The following PARS2 variants were observed in gnomAD, a reference collection of about 807,000 sequenced individuals.
PARS2 encodes prolyl-tRNA synthetase 2, mitochondrial.
In PARS2, 20 loss-of-function variants were observed where a neutral mutation model predicts 27.4. The observed-to-expected ratio is 0.73, with a 90% CI of 0.51 to 1.06. The LOEUF is 1.06. PARS2 is among the 50% of genes least tolerant of loss of function. The pLI is 0.00. For synonymous variants in PARS2, 240 were observed against 247.1 expected, an observed-to-expected ratio of 0.97 and a Z score of 0.27; for missense variants, 585 against 602.1, an observed-to-expected ratio of 0.97 and a Z score of 0.30.
In PARS2 at chr1:54,757,920, G is replaced by C; in HGVS notation, c.1242C>G (p.Thr414=). 1.2e-6 allele frequency: 2 copies of C among 1,614,134 alleles called. No homozygotes were observed. The highest frequency in any genetic ancestry group is 4.5e-5 in the East Asian group (2 of 44,880). The change falls in exon 2 of 2, where the codon ACC becomes ACG. Residue 414 remains threonine (T), a synonymous_variant. Transcript: ENST00000371279. The stretch of plus-strand genomic sequence containing the variant: ...TCAGTCTGTTTCCGATGGTCAGATG[G>C]GTCCTGTCGTCCAGGAGCACCTCCC... ...LHGEVLLDDR[T]HLTIGNRLKD...
Position 54,758,295 on chromosome 1 carries a change from T to C in PARS2, c.867A>G (p.Gln289=), listed in dbSNP as rs1646133512. ...GGCCCTGGCAAGCAGGGCAGTTCATTTGTGACAAGTCTAGTGTCTCCATGT... is the reference window on the plus strand; with the variant it reads ...GGCCCTGGCAAGCAGGGCAGTTCATCTGTGACAAGTCTAGTGTCTCCATGT... ...SANMETLDLS[Q]MNCPACQGPL... The change falls in exon 2 of 2, where the codon CAA becomes CAG. Residue 289 remains glutamine (Q), a synonymous_variant. Transcript: ENST00000371279. 3.1e-6 allele frequency: 5 copies of C among 1,614,198 alleles called. No individual in the cohort carries two copies. The highest frequency in any genetic ancestry group is 3.4e-6 in the Non-Finnish European group (4 of 1,180,044).
chr1:54,760,315 C>G (rs548601277), intron 1 of PARS2, among the ~76,000 whole-genome samples: 1 of 152,212 alleles, frequency 6.6e-6, no homozygotes, highest in South Asian at 2.1e-4. Flanking sequence ...ACCTACTCCC[C>G]CTCCAGCACT....
At chr1:54,763,271 T>C (rs1032417598) in intron 1 of PARS2, among the ~76,000 whole-genome samples, 7 of 152,180 alleles carry the variant, frequency 4.6e-5, no homozygotes, top group Admixed American at 3.3e-4. Flanking sequence ...AAAATATTTT[T>C]GAGGAACTAT....
In PARS2 at chr1:54,758,870, TGG is replaced by T; in HGVS notation, c.290_291del (p.Ala97AspfsTer48). 6.2e-7 allele frequency: 1 copy of T among 1,614,190 alleles called. No individual in the cohort carries two copies. Among genetic ancestry groups the T allele is most frequent in the South Asian group, 1.1e-5 (1 of 91,080 alleles). Reference protein sequence around the residue: ...CYHLLPYTVRAMEKLVRVIDQ... With the variant: ...CYHLLPYTVRXMEKLVRVIDQ... Reference sequence around the variant, plus strand: ...TCTATCACTCGCACGAGCTTCTCCATGGCACGGACGGTATATGGCAGGAGGTG... The same window carrying T: ...TCTATCACTCGCACGAGCTTCTCCATCACGGACGGTATATGGCAGGAGGTG... On this transcript the variant is annotated frameshift_variant, in exon 2 of 2. Coordinates refer to ENST00000371279, the MANE Select transcript of PARS2 (RefSeq NM_152268.4). LOFTEE classifies it high-confidence loss of function.
intron 1 of PARS2, among the ~76,000 whole-genome samples, chr1:54,763,348 C>T (rs951268369): frequency 1.3e-5 from 2 of 151,910 alleles, no homozygotes; most frequent in Non-Finnish European, 2.9e-5. Context: ...GGGGTGTGTA[C>T]GGGGGCCAGG....
In PARS2 at chr1:54,758,671, G is replaced by A; in HGVS notation, c.491C>T (p.Ala164Val). The A allele has an allele frequency of 6.2e-7, 1 of 1,614,236 alleles. No homozygotes were observed. Among genetic ancestry groups the A allele is most frequent in the Non-Finnish European group, 8.5e-7 (1 of 1,180,026 alleles). Reference sequence around the variant, plus strand: ...CAGTTTCTTCTGGGAGGCAATTAAGGCCGTAATGGCTTCCTCGTGAGTTGG... The same window carrying A: ...CAGTTTCTTCTGGGAGGCAATTAAGACCGTAATGGCTTCCTCGTGAGTTGG... ...LGPTHEEAIT[A>V]LIASQKKLSY... Residue 164 changes from alanine to valine, a missense_variant, in exon 2 of 2, where the codon GCC becomes GTC. Ala to Val is a moderately conservative substitution (Grantham distance 64). Transcript: ENST00000371279.
rs981864183 is a variant in PARS2, at chr1:54,757,518, G to C, written c.*216C>G. On this transcript the variant is annotated 3_prime_UTR_variant, in exon 2 of 2. Transcript: ENST00000371279. Reference sequence around the variant, plus strand: ...GAATACAAAAGGAAAGGTATATGGCGGCATGGCCAGTCTGGAGAAAGGGAT... The same window carrying C: ...GAATACAAAAGGAAAGGTATATGGCCGCATGGCCAGTCTGGAGAAAGGGAT... The C allele has an allele frequency of 1.6e-5, 8 of 514,304 alleles. No individual in the cohort carries two copies. Among genetic ancestry groups the C allele is most frequent in the African/African-American group, 1.2e-4 (6 of 51,972 alleles). The allele number at this position is 514,304 out of a possible 1,614,324, so 31.9% of individuals were successfully genotyped here.
rs775195000 is a variant in PARS2, at chr1:54,758,197, T to C, written c.965A>G (p.Asn322Ser). 1.2e-5 allele frequency: 20 copies of C among 1,614,080 alleles called. No homozygotes were observed. The highest frequency in any genetic ancestry group is 2.2e-5 in the South Asian group (2 of 91,088). The change falls in exon 2 of 2, where the codon AAT (asparagine) becomes AGT (serine). Residue 322 changes from asparagine (N) to serine (S), a missense_variant. By Grantham distance (46) the Asn-to-Ser change is conservative. Coordinates refer to ENST00000371279, the MANE Select transcript of PARS2 (RefSeq NM_152268.4). The part of the protein sequence containing the change: ...YLGTKYSSIF[N>S]AQFTNVCGKP... ...GCCACAGACATTGGTAAACTGGGCA[T>C]TGAAAATGGATGAGTACTTGGTACC...
At chr1:54,760,558 C>T (rs892000671) in intron 1 of PARS2, among the ~76,000 whole-genome samples, 5 of 152,202 alleles carry the variant, frequency 3.3e-5, no homozygotes, top group African/African-American at 1.2e-4. Context: ...GGTCTCCTGA[C>T]TTCCACTCCT....
intron 1 of PARS2, among the ~76,000 whole-genome samples, chr1:54,759,809 C>T (rs1156840403): frequency 6.6e-6 from 1 of 152,082 alleles, no homozygotes; most frequent in Non-Finnish European, 1.5e-5. Context: ...AGTTTGAGAC[C>T]AGCCTGACCA....
intron 1 of PARS2, among the ~76,000 whole-genome samples, chr1:54,762,128 G>A (rs1431714207): frequency 1.3e-5 from 2 of 149,514 alleles, no homozygotes; most frequent in African/African-American, 4.9e-5. Flanking sequence ...AGAATCGCTG[G>A]AGGGCTTGTT....
intron 1 of PARS2, among the ~76,000 whole-genome samples, chr1:54,762,804 T>C (rs1000386459): frequency 2.0e-5 from 3 of 152,210 alleles, no homozygotes; most frequent in African/African-American, 4.8e-5. Context: ...CCTCATGCGA[T>C]CCACCTGCCT....
At chr1:54,760,784 CTTTTTTT>C (rs377045963) in intron 1 of PARS2, among the ~76,000 whole-genome samples, 2 of 147,134 alleles carry the variant, frequency 1.4e-5, no homozygotes, top group African/African-American at 5.0e-5. Context: ...CACGCCCACT[CTTTTTTT>C]TTTTTGAGAC....
Position 54,759,044 on chromosome 1 carries a change from G to A in PARS2, c.118C>T (p.Leu40=). ...GGCTGGAACACACGAGACAGCAGCA[G>A]GCGCCGCCCTCTTCTTGGGGCACAG... ...HHCAPRRGRR[L]LLSRVFQPQN... is the part of the protein sequence containing the mutation. Residue 40 remains leucine (L), a synonymous_variant, in exon 2 of 2, where the codon CTG becomes TTG. Coordinates refer to ENST00000371279, the MANE Select transcript of PARS2 (RefSeq NM_152268.4). The A allele has an allele frequency of 6.2e-7, 1 of 1,614,120 alleles. No homozygotes were observed. Among genetic ancestry groups the A allele is most frequent in the Non-Finnish European group, 8.5e-7 (1 of 1,180,008 alleles).
At position 54,758,767 on chromosome 1, in the gene PARS2, T is replaced by C. The variant is rs753147236; in HGVS notation, c.395A>G (p.Asn132Ser). The change falls in exon 2 of 2, where the codon AAC (asparagine) becomes AGC (serine). Residue 132 changes from asparagine to serine, a missense_variant. By Grantham distance (46) the Asn-to-Ser change is conservative (BLOSUM62 1). Transcript: ENST00000371279. ...CTCTTTGCCCATCAAGTCCCACCGG[T>C]TGGTGGCTTGCCAGAGCTCTGCCGG... ...LSPAELWQATNRWDLMGKELL... is the reference protein window; with the variant it reads ...LSPAELWQATSRWDLMGKELL... 1.7e-5 allele frequency: 28 copies of C among 1,614,022 alleles called. No homozygotes were observed. The highest frequency in any genetic ancestry group is 1.1e-4 in the East Asian group (5 of 44,872).
intron 1 of PARS2, among the ~76,000 whole-genome samples, chr1:54,762,625 T>G (rs1045761237): frequency 2.0e-5 from 3 of 152,248 alleles, no homozygotes; most frequent in African/African-American, 7.2e-5. Flanking sequence ...ACTAATGTCT[T>G]AAACTCCATG....
chr1:54,757,699 G>C lies in PARS2; in HGVS notation c.*35C>G. ...AATGCAGTGTTAGAACGAACACCAAGGCTGCAAATGGGGGCAGGGGTGGGC... is the reference window on the plus strand; with the variant it reads ...AATGCAGTGTTAGAACGAACACCAACGCTGCAAATGGGGGCAGGGGTGGGC... On this transcript the variant is annotated 3_prime_UTR_variant, in exon 2 of 2. Coordinates refer to ENST00000371279, the MANE Select transcript of PARS2 (RefSeq NM_152268.4). 1 of 1,441,578 alleles carries C rather than the reference G, an allele frequency of 6.9e-7. No individual in the cohort carries two copies. The highest frequency in any genetic ancestry group is 1.8e-5 in the Admixed American group (1 of 55,302). The allele number at this position is 1,441,578 out of a possible 1,614,324, so 89.3% of individuals were successfully genotyped here.
rs976907876 is a variant in PARS2, at chr1:54,757,425, C to G, written c.*309G>C. On this transcript the variant is annotated 3_prime_UTR_variant, in exon 2 of 2. Transcript: ENST00000371279. Reference sequence around the variant, plus strand: ...TGAGAGAAGGGAAGTGACTTCCCCCCTCAGGGTAACACCCAGGACTGGAGC... The same window carrying G: ...TGAGAGAAGGGAAGTGACTTCCCCCGTCAGGGTAACACCCAGGACTGGAGC... The G allele has an allele frequency of 3.3e-5, 8 of 242,408 alleles. No homozygotes were observed. The highest frequency in any genetic ancestry group is 5.3e-5 in the Admixed American group (1 of 18,948). 15.0% of individuals were successfully genotyped at this position (242,408 alleles called of 1,614,324 possible).
At chr1:54,761,789 C>T (rs1033428900) in intron 1 of PARS2, among the ~76,000 whole-genome samples, 5 of 152,182 alleles carry the variant, frequency 3.3e-5, no homozygotes, top group Non-Finnish European at 7.3e-5. Context: ...CATTCATTTC[C>T]CCTGTGCACT....
Sources: allele counts gnomAD v4.1 joint callset (sites outside exome capture counted in the v4.1 genomes callset), GRCh38; gene constraint gnomAD v4.1.1; transcripts MANE v1.5; gene names NCBI Gene and HGNC (gene_info 2026-07-23, HGNC 2026-07-21).